The following NPIPB11 variants were observed in gnomAD, a reference collection of about 807,000 sequenced individuals.
The protein encoded by NPIPB11 is nuclear pore complex interacting protein family member B11, also known as nuclear pore complex-interacting protein family member B11.
A neutral mutation model predicts 32.8 loss-of-function variants in NPIPB11; 17 were observed. That is an observed-to-expected ratio of 0.52 (90% CI 0.35 to 0.78). The LOEUF (loss-of-function observed/expected upper bound fraction) is 0.78. Among genes scored for constraint, NPIPB11 ranks in the 30% least tolerant of loss-of-function variants. NPIPB11 has a pLI of 0.01. For synonymous variants in NPIPB11, 209 were observed against 398.4 expected (o/e 0.52, Z 5.66); for missense variants, 537 against 1,000.4 (o/e 0.54, Z 6.25).
chr16:29,391,639 A>C (rs563352349), intron 3 of NPIPB11, among the ~76,000 whole-genome samples: 1 of 152,162 alleles, frequency 6.6e-6, no homozygotes, highest in African/African-American at 2.4e-5. Flanking sequence ...GACATTAAAT[A>C]TTTCTTCTCA....
chr16:29,392,242 A>G (rs1470500575), intron 3 of NPIPB11, among the ~76,000 whole-genome samples: 1 of 152,168 alleles, frequency 6.6e-6, no homozygotes, highest in African/African-American at 2.4e-5. Context: ...AAGAAATGAC[A>G]AGCAAGGAAA....
chr16:29,401,634 C>G (rs1963993547), intron 2 of NPIPB11, among the ~76,000 whole-genome samples: 1 of 152,142 alleles, frequency 6.6e-6, no homozygotes, highest in Admixed American at 6.5e-5. Flanking sequence ...ATTTCAGGTT[C>G]TCTCCTGGGC....
chr16:29,402,744 G>GTGTGTGTGTATGTA (rs1567276687), intron 2 of NPIPB11, among the ~76,000 whole-genome samples: 2 of 150,746 alleles, frequency 1.3e-5, no homozygotes, highest in African/African-American at 4.9e-5. Flanking sequence ...GTGTGTGTGT[G>GTGTGTGTGTATGTA]TGTGTGTGTG....
chr16:29,396,096 T>G (rs1365130125), intron 2 of NPIPB11, among the ~76,000 whole-genome samples: 3 of 150,068 alleles, frequency 2.0e-5, no homozygotes, highest in Non-Finnish European at 3.0e-5. Context: ...AGACGAAGAC[T>G]TCCCCTGAGT....
At chr16:29,403,391 A>AT (rs1219940925) in intron 2 of NPIPB11, among the ~76,000 whole-genome samples, 1 of 145,224 alleles carries the variant, frequency 6.9e-6, no homozygotes, top group African/African-American at 2.6e-5. Flanking sequence ...ACTTGGCAAG[A>AT]TAATAAATAA....
At chr16:29,392,300 G>A (rs1963742238) in intron 3 of NPIPB11, among the ~76,000 whole-genome samples, 2 of 152,004 alleles carry the variant, frequency 1.3e-5, no homozygotes, top group Non-Finnish European at 2.9e-5. Context: ...TCCCTGCTTA[G>A]GAGGTAATGG....
At chr16:29,401,337 C>T (rs538448353) in intron 2 of NPIPB11, among the ~76,000 whole-genome samples, 8 of 152,262 alleles carry the variant, frequency 5.3e-5, no homozygotes, top group South Asian at 2.1e-4. Flanking sequence ...TCTGGGGTAA[C>T]TGAGGCAGTC....
At chr16:29,402,746 G>GTGTGTATGTA (rs1964026592) in intron 2 of NPIPB11, among the ~76,000 whole-genome samples, 2 of 150,528 alleles carry the variant, frequency 1.3e-5, no homozygotes, top group Admixed American at 1.3e-4. Flanking sequence ...GTGTGTGTGT[G>GTGTGTATGTA]TGTGTGTGTG....
chr16:29,406,264 G>A (rs1281137171), upstream of NPIPB11, among the ~76,000 whole-genome samples: 2 of 152,252 alleles, frequency 1.3e-5, no homozygotes, highest in Admixed American at 6.5e-5. Flanking sequence ...GCATGGGAGG[G>A]CACTGTCAAG....
At chr16:29,402,834 T>A (rs1325836269) in intron 2 of NPIPB11, among the ~76,000 whole-genome samples, 2 of 138,440 alleles carry the variant, frequency 1.4e-5, no homozygotes, top group African/African-American at 5.8e-5. Flanking sequence ...AAGATAATGT[T>A]CAACTTAATG....
At chr16:29,392,255 C>T (rs1963740958) in intron 3 of NPIPB11, among the ~76,000 whole-genome samples, 1 of 152,092 alleles carries the variant, frequency 6.6e-6, no homozygotes, top group African/African-American at 2.4e-5. Context: ...CAAGGAAATG[C>T]CATCATGCAT....
At chr16:29,400,542 G>A (rs1429708979) in intron 2 of NPIPB11, among the ~76,000 whole-genome samples, 1 of 150,428 alleles carries the variant, frequency 6.6e-6, no homozygotes, top group Non-Finnish European at 1.5e-5. Flanking sequence ...CACCTCCCAA[G>A]GGCATCTTTC....
intron 2 of NPIPB11, among the ~76,000 whole-genome samples, chr16:29,402,724 C>CTCTGTGTGTGTG (rs1449821025): frequency 5.0e-4 from 60 of 119,676 alleles, no homozygotes; most frequent in South Asian, 1.4e-3. Context: ...CTCTCTCTCT[C>CTCTGTGTGTGTG]TGTGTGTGTG....
chr16:29,394,416 TA>T (rs146216029), intron 2 of NPIPB11, among the ~76,000 whole-genome samples: 102,395 of 139,968 alleles, frequency 0.73, 38,940 homozygotes, highest in East Asian at 1. Flanking sequence ...GCTGATGATC[TA>T]AAAAAAAACC....
chr16:29,390,399 A>G, intron 3 of NPIPB11, 51 bp from the exon 4 acceptor site: 1 of 1,592,692 alleles, frequency 6.3e-7, no homozygotes, highest in Non-Finnish European at 8.5e-7. Context: ...GCTCATGCGT[A>G]TAATCCCAGT....
At chr16:29,399,830 G>A (rs1358107154) in intron 2 of NPIPB11, among the ~76,000 whole-genome samples, 2 of 151,986 alleles carry the variant, frequency 1.3e-5, no homozygotes, top group Admixed American at 6.6e-5. Context: ...TGTAATCCCA[G>A]CACTTTGGGA....
intron 5 of NPIPB11, among the ~76,000 whole-genome samples, chr16:29,388,977 A>C (rs966430755): frequency 6.2e-5 from 9 of 144,552 alleles, no homozygotes; most frequent in Non-Finnish European, 1.1e-4. Context: ...TGTGCGGATC[A>C]TGATGTCAGG....
chr16:29,390,320 G>T (rs1963685086), exon 4 of NPIPB11: 7 of 1,523,570 alleles, frequency 4.6e-6, no homozygotes, highest in Non-Finnish European at 5.4e-6. Flanking sequence ...TCCATTTCGA[G>T]ACCAGAAGAT....
At chr16:29,389,367 TAAAAA>T (rs1175211779) in intron 5 of NPIPB11, among the ~76,000 whole-genome samples, 5 of 58,632 alleles carry the variant, frequency 8.5e-5, no homozygotes, top group South Asian at 1.4e-3. Context: ...ATCTCAAAAT[TAAAAA>T]AAAAAAAAAA....
Sources: gnomAD v4.1 joint callset for allele counts (sites outside exome capture counted in the v4.1 genomes callset) on GRCh38, gnomAD v4.1.1 for gene constraint, MANE v1.5 for transcripts, NCBI Gene and HGNC (gene_info 2026-07-23, HGNC 2026-07-21) for gene names.